PDE7B: variants seen among roughly 807,000 people sequenced by gnomAD.
The protein encoded by PDE7B is 3',5'-cyclic-AMP phosphodiesterase 7B.
A neutral mutation model predicts 56.2 loss-of-function variants in PDE7B; 29 were observed. The observed-to-expected ratio is 0.52, with a 90% CI of 0.38 to 0.70. PDE7B has a LOEUF of 0.70. Among genes scored for constraint, PDE7B ranks in the 30% least tolerant of loss-of-function variants. PDE7B has a pLI of 0.00. For missense variants in PDE7B, 490 were observed against 565.0 expected (o/e 0.87, Z 1.35); for synonymous variants, 197 against 196.9 (o/e 1.00, Z 0.00).
chr6:136,042,419 C>G (rs1235998910), intron 2 of PDE7B, among the ~76,000 whole-genome samples: 2 of 152,224 alleles, frequency 1.3e-5, no homozygotes, highest in African/African-American at 4.8e-5. Context: ...ACCGCAAACT[C>G]TGCAACTGGG....
chr6:136,158,234 G>C (rs1158878464), intron 8 of PDE7B, among the ~76,000 whole-genome samples: 1 of 152,100 alleles, frequency 6.6e-6, no homozygotes, highest in Non-Finnish European at 1.5e-5. Context: ...AATTTTCATA[G>C]GATGTTTGCA....
intron 1 of PDE7B, among the ~76,000 whole-genome samples, chr6:135,932,518 A>G (rs2128197196): frequency 6.6e-6 from 1 of 152,328 alleles, no homozygotes; most frequent in South Asian, 2.1e-4. Context: ...TAATCTGAAC[A>G]TATGGAGAAG....
intron 1 of PDE7B, among the ~76,000 whole-genome samples, chr6:135,926,444 G>T (rs190762821): frequency 1.5e-3 from 229 of 151,980 alleles, no homozygotes; most frequent in Admixed American, 2.4e-3. Flanking sequence ...AAGGAAATAT[G>T]ATTAGAGGAC....
chr6:136,111,366 CTG>C (rs1242443592), intron 3 of PDE7B, among the ~76,000 whole-genome samples: 1 of 152,128 alleles, frequency 6.6e-6, no homozygotes, highest in African/African-American at 2.4e-5. Flanking sequence ...AAATCATCCC[CTG>C]TGTTTAACTG....
At chr6:136,088,054 G>A (rs1017495936) in intron 2 of PDE7B, among the ~76,000 whole-genome samples, 2 of 152,122 alleles carry the variant, frequency 1.3e-5, no homozygotes, top group Non-Finnish European at 2.9e-5. Flanking sequence ...CCATCCCATC[G>A]GCAGTATACC....
At chr6:135,880,256 C>T (rs1775582459) in intron 1 of PDE7B, among the ~76,000 whole-genome samples, 1 of 152,166 alleles carries the variant, frequency 6.6e-6, no homozygotes, top group African/African-American at 2.4e-5. Flanking sequence ...AGATAATCCA[C>T]TAAACAGAAA....
intron 11 of PDE7B, among the ~76,000 whole-genome samples, chr6:136,182,044 A>G (rs1391476800): frequency 6.6e-6 from 1 of 152,214 alleles, no homozygotes; most frequent in African/African-American, 2.4e-5. Flanking sequence ...CAGTGCCCTC[A>G]TGCTAGTGAC....
chr6:136,039,984 G>C (rs1776387894), intron 2 of PDE7B, among the ~76,000 whole-genome samples: 1 of 152,144 alleles, frequency 6.6e-6, no homozygotes, highest in African/African-American at 2.4e-5. Flanking sequence ...TGTGGAGATA[G>C]GTGTACATTA....
At chr6:136,097,123 C>T (rs1369790627) in intron 2 of PDE7B, among the ~76,000 whole-genome samples, 2 of 152,146 alleles carry the variant, frequency 1.3e-5, no homozygotes, top group Non-Finnish European at 2.9e-5. Flanking sequence ...GATGCTAGAC[C>T]CTATTCACTT....
At chr6:136,007,707 A>G (rs1187715383) in intron 2 of PDE7B, among the ~76,000 whole-genome samples, 2 of 151,250 alleles carry the variant, frequency 1.3e-5, no homozygotes, top group Admixed American at 6.6e-5. Flanking sequence ...GGGAGGGTGT[A>G]TATGTCCAGC....
At position 136,194,456 on chromosome 6, in the gene PDE7B, T is replaced by C. The variant is rs945915800; in HGVS notation, c.*2616T>C. On this transcript the variant is annotated 3_prime_UTR_variant, in exon 13 of 13. Transcript: ENST00000308191. ...ATCTGAAGTAAAATGAGGCATAAAC[T>C]TGATGCAGCTGCCTCCCTCATTCAA... 6.6e-6 allele frequency: 1 copy of C among 152,190 alleles called. No homozygotes were observed. Among genetic ancestry groups the C allele is most frequent in the Non-Finnish European group, 1.5e-5 (1 of 68,024 alleles). 9.4% of individuals were successfully genotyped at this position (152,190 alleles called of 1,614,324 possible).
chr6:136,137,698 A>G (rs2128445459), intron 3 of PDE7B, among the ~76,000 whole-genome samples: 1 of 152,254 alleles, frequency 6.6e-6, no homozygotes, highest in South Asian at 2.1e-4. Context: ...ACCAAAATTA[A>G]TCAGCCCCTA....
chr6:136,109,810 G>C (rs1039763911), intron 3 of PDE7B, among the ~76,000 whole-genome samples: 6 of 152,160 alleles, frequency 3.9e-5, no homozygotes, highest in African/African-American at 1.2e-4. Context: ...GTAGACTTGT[G>C]GGGGAGGTGG....
chr6:136,093,311 C>T (rs968473130), intron 2 of PDE7B, among the ~76,000 whole-genome samples: 25 of 152,182 alleles, frequency 1.6e-4, no homozygotes, highest in African/African-American at 5.5e-4. Context: ...GGGACTATTT[C>T]GCCCATGGGC....
intron 3 of PDE7B, among the ~76,000 whole-genome samples, chr6:136,137,456 G>A (rs1352114182): frequency 1.3e-5 from 2 of 152,012 alleles, no homozygotes; most frequent in Non-Finnish European, 2.9e-5. Flanking sequence ...GGATCTCCAC[G>A]GGTGCTTAAC....
chr6:136,133,988 G>A (rs549501305), intron 3 of PDE7B, among the ~76,000 whole-genome samples: 33 of 152,204 alleles, frequency 2.2e-4, no homozygotes, highest in Middle Eastern at 3.4e-3. Flanking sequence ...AAGTAAGTTG[G>A]CCTCATATTG....
At chr6:135,877,003 T>C (rs1488861599) in intron 1 of PDE7B, among the ~76,000 whole-genome samples, 1 of 152,222 alleles carries the variant, frequency 6.6e-6, no homozygotes, top group Non-Finnish European at 1.5e-5. Flanking sequence ...TCTAAAATAC[T>C]TTTGCTTCAT....
intron 2 of PDE7B, among the ~76,000 whole-genome samples, chr6:135,978,639 T>G (rs1279215746): frequency 2.6e-5 from 4 of 152,112 alleles, no homozygotes; most frequent in African/African-American, 9.7e-5. Context: ...ACAAAAAAAT[T>G]CTTTATACCC....
intron 2 of PDE7B, among the ~76,000 whole-genome samples, chr6:136,101,191 T>G (rs1777555490): frequency 6.6e-6 from 1 of 152,244 alleles, no homozygotes. Flanking sequence ...GATTTTTGCA[T>G]CAATGTTCAT....
Sources: gnomAD v4.1 joint callset for allele counts (sites outside exome capture counted in the v4.1 genomes callset) on GRCh38, gnomAD v4.1.1 for gene constraint, MANE v1.5 for transcripts, NCBI Gene and HGNC (gene_info 2026-07-23, HGNC 2026-07-21) for gene names.